Variants in FRYL observed in about 807,000 individuals in gnomAD.
The protein encoded by FRYL is FRY like transcription coactivator.
A neutral mutation model predicts 351.2 loss-of-function variants in FRYL; 150 were observed. That is an observed-to-expected ratio of 0.43 (90% CI 0.37 to 0.49). The LOEUF is 0.49. Among genes scored for constraint, FRYL ranks in the 20% least tolerant of loss-of-function variants. The pLI is 0.00. For missense variants in FRYL, 3,036 were observed against 3,619.3 expected (o/e 0.84, Z 4.13); for synonymous variants, 1,153 against 1,257.1 (o/e 0.92, Z 1.75).
intron 1 of FRYL, among the ~76,000 whole-genome samples, chr4:48,736,168 C>CAATGAA (rs1202254026): frequency 6.6e-6 from 1 of 151,842 alleles, no homozygotes; most frequent in Non-Finnish European, 1.5e-5. Flanking sequence ...ATTTTAACCA[C>CAATGAA]AATGAAAATG....
At chr4:48,599,245 C>T (rs538866118) in intron 13 of FRYL, among the ~76,000 whole-genome samples, 22 of 152,122 alleles carry the variant, frequency 1.4e-4, no homozygotes, top group Non-Finnish European at 2.8e-4. Flanking sequence ...TCACCTATCT[C>T]TCTTAATAAT....
In FRYL at chr4:48,557,450, T is replaced by C; in HGVS notation, c.4125+3A>G. 1.2e-6 allele frequency: 2 copies of C among 1,613,732 alleles called. No individual in the cohort carries two copies. Among genetic ancestry groups the C allele is most frequent in the South Asian group, 1.1e-5 (1 of 91,078 alleles). On this transcript the variant is annotated splice_donor_region_variant and intron_variant, in intron 34 of 63. Transcript: ENST00000358350. ...GCAATTATAAATACAAAACTCATTT[T>C]ACCTTTGCTGTCATATACATCAGAT...
chr4:48,620,505 T>C (rs1229777890), intron 6 of FRYL, 134 bp downstream of exon 6: 1 of 866,828 alleles, frequency 1.2e-6, no homozygotes, highest in Non-Finnish European at 1.8e-6. Context: ...TCTCCCTTAC[T>C]ACCATCTTTG....
intron 19 of FRYL, among the ~76,000 whole-genome samples, chr4:48,583,873 C>A (rs1466672086): frequency 6.6e-6 from 1 of 151,498 alleles, no homozygotes; most frequent in Non-Finnish European, 1.5e-5. Context: ...CCACTGCACT[C>A]CAGCCTGGGC....
chr4:48,565,523 G>A lies in FRYL; in HGVS notation c.3330+8C>T, dbSNP rs1736583056. On this transcript the variant is annotated splice_region_variant and intron_variant, in intron 29 of 63. Transcript: ENST00000358350. ...AAGAAAAAAGAAATCAGGTTTCTAA[G>A]TAAATACCTTTAACGCACAGTATTG... 2 of 1,538,990 alleles carry A rather than the reference G, an allele frequency of 1.3e-6. No individual in the cohort carries two copies. Among genetic ancestry groups the A allele is most frequent in the Non-Finnish European group, 1.7e-6 (2 of 1,146,740 alleles).
intron 17 of FRYL, among the ~76,000 whole-genome samples, chr4:48,590,405 A>G (rs920666733): frequency 1.3e-5 from 2 of 152,034 alleles, no homozygotes; most frequent in Non-Finnish European, 2.9e-5. Flanking sequence ...AATCACTTGA[A>G]CTCAGGAGGT....
rs369698565 is a variant in FRYL at position 48,512,634 on chromosome 4, C to G, written c.7992G>C (p.Pro2664=). 6.2e-7 allele frequency: 1 copy of G among 1,613,956 alleles called. No homozygotes were observed. The highest frequency in any genetic ancestry group is 1.7e-5 in the Admixed American group (1 of 59,994). ...GFPEVQTSPL[P]SPFLSAIIAA... is the part of the protein sequence containing the mutation. Reference sequence around the variant, plus strand: ...CTATGATGGCAGAAAGAAATGGTGACGGCAGAGGCGACGTCTGTACTTCTG... The same window carrying G: ...CTATGATGGCAGAAAGAAATGGTGAGGGCAGAGGCGACGTCTGTACTTCTG... The change falls in exon 57 of 64, where the codon CCG becomes CCC. Residue 2664 remains proline, a synonymous_variant. Coordinates refer to ENST00000358350, the MANE Select transcript of FRYL (RefSeq NM_015030.2).
chr4:48,584,375 T>C (rs1741628944), intron 19 of FRYL, among the ~76,000 whole-genome samples: 1 of 152,194 alleles, frequency 6.6e-6, no homozygotes, highest in African/African-American at 2.4e-5. Flanking sequence ...TGAACTCAGT[T>C]CTAGTCATCA....
At chr4:48,588,173 T>C (rs961199578) in intron 18 of FRYL, among the ~76,000 whole-genome samples, 1 of 152,152 alleles carries the variant, frequency 6.6e-6, no homozygotes, top group Non-Finnish European at 1.5e-5. Flanking sequence ...CCTCCTGGTC[T>C]CCCAGGATAA....
chr4:48,581,915 C>T (rs193083230), intron 20 of FRYL, among the ~76,000 whole-genome samples: 1 of 152,314 alleles, frequency 6.6e-6, no homozygotes, highest in East Asian at 1.9e-4. Context: ...GTATCTTTCA[C>T]ACTCAGAGTG....
At chr4:48,714,843 C>G (rs1419082573) in intron 1 of FRYL, among the ~76,000 whole-genome samples, 33 of 146,542 alleles carry the variant, frequency 2.3e-4, no homozygotes, top group African/African-American at 6.1e-4. Context: ...AGACCAATAT[C>G]CTTGATGAAC....
chr4:48,515,314 TAAAA>T, intron 55 of FRYL, 39 bp from the exon 56 acceptor site: 1 of 1,457,196 alleles, frequency 6.9e-7, no homozygotes, highest in Non-Finnish European at 9.4e-7. Context: ...TATAAACACA[TAAAA>T]AAAGAATTTT....
chr4:48,671,494 C>A (rs111916108), intron 3 of FRYL, among the ~76,000 whole-genome samples: 8,062 of 152,040 alleles, frequency 0.053, 383 homozygotes, highest in East Asian at 0.26. Flanking sequence ...ACGGTGAAAC[C>A]CCATCTCTCC....
chr4:48,609,653 G>A, intron 8 of FRYL, 91 bp downstream of exon 8: 1 of 557,384 alleles, frequency 1.8e-6, no homozygotes, highest in Non-Finnish European at 3.1e-6. Context: ...GAATTGCCTT[G>A]AACTCTCAAA....
intron 10 of FRYL, 61 bp downstream of exon 10, chr4:48,606,377 G>A: frequency 1.8e-6 from 2 of 1,107,826 alleles, no homozygotes; most frequent in Non-Finnish European, 2.5e-6. Context: ...CTTTTAAAAA[G>A]TCATGAAGAG....
At chr4:48,588,385 C>T (rs1464792614) in intron 18 of FRYL, among the ~76,000 whole-genome samples, 3 of 152,168 alleles carry the variant, frequency 2.0e-5, no homozygotes, top group Admixed American at 6.5e-5. Context: ...GTTTCCAGTT[C>T]TACACCCCAC....
At chr4:48,618,364 T>C (rs568180635) in intron 7 of FRYL, 2 of 152,324 alleles carry the variant, frequency 1.3e-5, no homozygotes, top group South Asian at 4.1e-4. Flanking sequence ...ACTTTTATAC[T>C]ATGAGAAAAA....
Position 48,546,283 on chromosome 4 carries a change from A to G in FRYL, c.5075-12T>C. On this transcript the variant is annotated splice_polypyrimidine_tract_variant and intron_variant, in intron 41 of 63. Transcript: ENST00000358350. ...ATCGTTAATGCCTGCTGAAAGAGAA[A>G]GATCGTCATGAATACCTAAAACATG... 1 of 1,597,832 alleles carries G rather than the reference A, an allele frequency of 6.3e-7. No homozygotes were observed. Among genetic ancestry groups the G allele is most frequent in the Non-Finnish European group, 8.6e-7 (1 of 1,165,786 alleles).
chr4:48,502,766 C>A, intron 61 of FRYL, 62 bp downstream of exon 61: 3 of 1,308,810 alleles, frequency 2.3e-6, no homozygotes, highest in Admixed American at 1.8e-5. Context: ...GGACAAATGG[C>A]AGATGAAAAC....
Sources: gnomAD v4.1 joint callset for allele counts (sites outside exome capture counted in the v4.1 genomes callset) on GRCh38, gnomAD v4.1.1 for gene constraint, MANE v1.5 for transcripts, NCBI Gene and HGNC (gene_info 2026-07-23, HGNC 2026-07-21) for gene names.